The following CNOT10 variants were observed in gnomAD, a reference collection of about 807,000 sequenced individuals.
CNOT10 encodes CCR4-NOT transcription complex subunit 10.
A neutral mutation model predicts 94.6 loss-of-function variants in CNOT10; 30 were observed. The observed-to-expected ratio is 0.32, with a 90% confidence interval of 0.24 to 0.43. The LOEUF is 0.43. Among genes scored for constraint, CNOT10 ranks in the 20% least tolerant of loss-of-function variants. The probability of loss-of-function intolerance (pLI) is 1.00; values close to 1 mark genes in which losing one functional copy is unlikely to be tolerated. For missense variants in CNOT10, 759 were observed against 877.2 expected (o/e 0.87, Z 1.70); for synonymous variants, 289 against 301.6 (o/e 0.96, Z 0.43).
At chr3:32,736,068 C>G (rs561469729) in intron 12 of CNOT10, among the ~76,000 whole-genome samples, 1 of 151,558 alleles carries the variant, frequency 6.6e-6, no homozygotes, top group Non-Finnish European at 1.5e-5. Context: ...CTTTTGTTTT[C>G]TTTTTGTTTT....
At chr3:32,694,741 C>A (rs1397718813) in intron 1 of CNOT10, among the ~76,000 whole-genome samples, 1 of 152,088 alleles carries the variant, frequency 6.6e-6, no homozygotes, top group Non-Finnish European at 1.5e-5. Context: ...AGGTGCGCAC[C>A]ACCACGCCCA....
intron 17 of CNOT10, among the ~76,000 whole-genome samples, chr3:32,766,653 A>G (rs1700662078): frequency 6.6e-6 from 1 of 151,582 alleles, no homozygotes. Context: ...AAAAAAAGTG[A>G]ATTATAAATC....
intron 8 of CNOT10, among the ~76,000 whole-genome samples, chr3:32,720,960 C>T (rs28834396): frequency 7.0e-6 from 1 of 142,170 alleles, no homozygotes; most frequent in African/African-American, 2.6e-5. Flanking sequence ...TCCCTTCCCT[C>T]CCTTCCCTCC....
intron 8 of CNOT10, among the ~76,000 whole-genome samples, chr3:32,723,571 G>A (rs188007961): frequency 1.3e-5 from 2 of 152,132 alleles, no homozygotes; most frequent in Non-Finnish European, 2.9e-5. Flanking sequence ...CAAAATCTAA[G>A]TACCATAGAA....
chr3:32,732,770 A>T, intron 10 of CNOT10, among the ~76,000 whole-genome samples: 1 of 152,170 alleles, frequency 6.6e-6, no homozygotes, highest in East Asian at 1.9e-4. Flanking sequence ...AAGGGGGATC[A>T]TTAATCAAAT....
At chr3:32,690,997 C>CTTTTTT (rs35755920) in intron 1 of CNOT10, among the ~76,000 whole-genome samples, 1 of 128,892 alleles carries the variant, frequency 7.8e-6, no homozygotes, top group South Asian at 2.4e-4. Context: ...CTAGCTATGA[C>CTTTTTT]TTTTTTTTTT....
At position 32,748,685 on chromosome 3, in the gene CNOT10, T is replaced by G. The variant is rs369868605; in HGVS notation, c.1596-10773T>G. On this transcript the variant is annotated intron_variant, in intron 13 of 18. Coordinates refer to ENST00000328834, the MANE Select transcript of CNOT10 (RefSeq NM_015442.3). ...CCACCACACCCGACTAATTTTTGTA[T>G]TTTTTGTAGAGACGGTGTTTCACCA... Among the ~76,000 whole-genome samples, 186 of 151,056 alleles carry G rather than the reference T, an allele frequency of 1.2e-3. 5 individuals are homozygous for G. In the South Asian group the frequency reaches 0.036, roughly 29 times the overall value.
At chr3:32,768,319 CA>C (rs1230309254) in intron 17 of CNOT10, among the ~76,000 whole-genome samples, 2 of 151,842 alleles carry the variant, frequency 1.3e-5, no homozygotes, top group African/African-American at 4.9e-5. Context: ...CAGTGGCTCA[CA>C]TCTGTAATCC....
intron 12 of CNOT10, 33 bp from the exon 13 acceptor site, chr3:32,737,377 T>A (rs775593173): frequency 7.1e-7 from 1 of 1,407,944 alleles, no homozygotes; most frequent in South Asian, 1.2e-5. Flanking sequence ...TATTTGTTGC[T>A]CTTCATAATT....
chr3:32,694,138 AT>A (rs10709878), intron 1 of CNOT10, among the ~76,000 whole-genome samples: 141,802 of 148,488 alleles, frequency 0.95, 67,743 homozygotes, highest in Non-Finnish European at 0.98. Context: ...CACTTGATAA[AT>A]TTTTTTTTTT....
rs1182002288 is a variant in CNOT10, at chr3:32,759,859, CA to C, written c.1709+295del. ...GTCAAGTCCTCAGAGAGAAGACCTA[CA>C]AAAAAAGGAGTGTGGTCAATGTGAT... On this transcript the variant is annotated intron_variant, in intron 14 of 18. Coordinates refer to ENST00000328834, the MANE Select transcript of CNOT10 (RefSeq NM_015442.3). Among the ~76,000 whole-genome samples the C allele has an allele frequency of 2.0e-5, 3 of 151,994 alleles. No homozygotes were observed. In the East Asian group the frequency reaches 5.8e-4, roughly 29 times the overall value.
In CNOT10 at chr3:32,773,734, C is replaced by A; in HGVS notation, c.*123C>A. 9.5e-7 allele frequency: 1 copy of A among 1,047,548 alleles called. No individual in the cohort carries two copies. Among genetic ancestry groups the A allele is most frequent in the South Asian group, 2.0e-5 (1 of 50,058 alleles). 64.9% of individuals were successfully genotyped at this position (1,047,548 alleles called of 1,614,324 possible). A position where few individuals can be genotyped will look rare whatever the true frequency, so the allele number is the denominator to read the frequency against. ...TGTTAATTTTGAGTCAATTCTACCC[C>A]TGACATTTGGCCAAAAGCTTACTTA... is the stretch of plus-strand genomic sequence containing the variant. On this transcript the variant is annotated 3_prime_UTR_variant, in exon 19 of 19. Coordinates refer to ENST00000328834, the MANE Select transcript of CNOT10 (RefSeq NM_015442.3).
At chr3:32,727,956 A>G in intron 10 of CNOT10, 86 bp downstream of exon 10, 1 of 869,478 alleles carries the variant, frequency 1.2e-6, no homozygotes, top group Non-Finnish European at 1.8e-6. Flanking sequence ...AAAACCTTGG[A>G]AACATACATA....
rs201889112 is a variant in CNOT10, at chr3:32,737,421, A to G, written c.1526A>G (p.His509Arg). ...TACCTCTATTTTAGCAGTAAAAGCC[A>G]TGATGGAGATAAATTCATTCCAGCT... ...ESSETCSSKS[H>R]DGDKFIPAPP... is the part of the protein sequence containing the mutation. The change falls in exon 13 of 19, where the codon CAT (histidine) becomes CGT (arginine). Residue 509 changes from histidine to arginine, a missense_variant. Around this residue, in one of 3 missense-constraint regions of CNOT10, gnomAD observed 682 missense variants for 799.4 expected, o/e 0.85. Coordinates refer to ENST00000328834, the MANE Select transcript of CNOT10 (RefSeq NM_015442.3). 3.7e-6 allele frequency: 6 copies of G among 1,607,470 alleles called. No individual in the cohort carries two copies. Among genetic ancestry groups the G allele is most frequent in the Non-Finnish European group, 5.1e-6 (6 of 1,174,446 alleles).
At chr3:32,741,658 A>G (rs1392926976) in intron 13 of CNOT10, among the ~76,000 whole-genome samples, 2 of 151,536 alleles carry the variant, frequency 1.3e-5, no homozygotes, top group African/African-American at 4.9e-5. Flanking sequence ...AGTCCCAGCT[A>G]CTCTGGAGGC....
intron 1 of CNOT10, among the ~76,000 whole-genome samples, chr3:32,694,878 C>T (rs1041528855): frequency 6.6e-6 from 1 of 152,054 alleles, no homozygotes; most frequent in African/African-American, 2.4e-5. Context: ...TGTGAGTCAC[C>T]GCGCCCAGCC....
In CNOT10 at chr3:32,773,591, A is replaced by G. The variant is rs541636793; in HGVS notation, c.2215A>G (p.Thr739Ala). Residue 739 changes from threonine to alanine, a missense_variant, in exon 19 of 19, where the codon ACC becomes GCC. This residue lies in a region of CNOT10 where 73 missense variants were observed against 61.0 expected (regional missense o/e 1.20). Transcript: ENST00000328834. ...PIQPIQMPAFTTVQRK is the reference protein window; with the variant it reads ...PIQPIQMPAFATVQRK ...CCAGCCCATCCAAATGCCGGCTTTC[A>G]CCACTGTGCAGAGAAAGTGATACTT... 4 of 1,613,744 alleles carry G rather than the reference A, an allele frequency of 2.5e-6. No individual in the cohort carries two copies. In the East Asian group the frequency reaches 6.7e-5, roughly 27 times the overall value.
chr3:32,734,109 TAA>T (rs1432087040), intron 11 of CNOT10, among the ~76,000 whole-genome samples: 1 of 152,224 alleles, frequency 6.6e-6, no homozygotes, highest in Non-Finnish European at 1.5e-5. Context: ...CTCTACCATT[TAA>T]AAGTTTTTCC....
intron 3 of CNOT10, among the ~76,000 whole-genome samples, 181 bp downstream of exon 3, chr3:32,705,153 A>AT (rs956738553): frequency 1.5e-4 from 23 of 152,030 alleles, no homozygotes; most frequent in African/African-American, 5.1e-4. Context: ...TTGTGGGATC[A>AT]TTTTTTTTAA....
Sources: gnomAD v4.1 joint callset for allele counts (sites outside exome capture counted in the v4.1 genomes callset) on GRCh38, gnomAD v4.1.1 for gene constraint, gnomAD v4.1.1 regional missense constraint, MANE v1.5 for transcripts, NCBI Gene and HGNC (gene_info 2026-07-23, HGNC 2026-07-21) for gene names.